Variants in NALF1 observed in about 807,000 individuals in gnomAD.
The protein encoded by NALF1 is family with sequence similarity 155 member A.
Under a neutral mutation model 48.4 loss-of-function variants are expected in NALF1, and 3 were observed. That is an observed-to-expected ratio of 0.06 (90% CI 0.03 to 0.16). The LOEUF (loss-of-function observed/expected upper bound fraction) is 0.16. NALF1 is among the 10% of genes least tolerant of loss of function. The probability of loss-of-function intolerance (pLI) is 1.00; values close to 1 mark genes in which losing one functional copy is unlikely to be tolerated. For missense variants in NALF1, 526 were observed against 571.5 expected (o/e 0.92, Z 0.81); for synonymous variants, 262 against 245.7 (o/e 1.07, Z -0.62).
chr13:107,709,400 G>A (rs1875501877), intron 1 of NALF1, among the ~76,000 whole-genome samples: 1 of 152,216 alleles, frequency 6.6e-6, no homozygotes, highest in African/African-American at 2.4e-5. Context: ...GGTGTGCTCT[G>A]CAGTGAGAAC....
At position 107,236,671 on chromosome 13, in the gene NALF1, GTCTATCTATCTATCTATCTA is replaced by G. The variant is rs72391192; in HGVS notation, c.916-25936_916-25917del. ...GCACTATCTATCTATCCATCTGTCT[GTCTATCTATCTATCTATCTA>G]TCTATCTATCTATCTATCTATCTAT... On this transcript the variant is annotated intron_variant, in intron 1 of 2. Coordinates refer to ENST00000375915, the MANE Select transcript of NALF1 (RefSeq NM_001080396.3). 9.2e-3 allele frequency among the ~76,000 whole-genome samples: 1,296 copies of G among 140,706 alleles called. 4 individuals are homozygous for G. Among genetic ancestry groups the G allele is most frequent in the African/African-American group, 0.017 (624 of 37,412 alleles). 92.3% of individuals were successfully genotyped at this position (140,706 alleles called of 152,430 possible). A position where few individuals can be genotyped will look rare whatever the true frequency, so the allele number is the denominator to read the frequency against.
intron 1 of NALF1, among the ~76,000 whole-genome samples, chr13:107,597,232 A>G (rs1878779224): frequency 6.6e-6 from 1 of 152,178 alleles, no homozygotes; most frequent in Admixed American, 6.5e-5. Context: ...CAGCAGGTGT[A>G]TTACCTTAAT....
chr13:107,684,117 C>T (rs1881371991), intron 1 of NALF1, among the ~76,000 whole-genome samples: 1 of 152,210 alleles, frequency 6.6e-6, no homozygotes, highest in Non-Finnish European at 1.5e-5. Context: ...CACCAGCCAT[C>T]TGTGGCTCCC....
chr13:107,631,406 A>G (rs1879831370), intron 1 of NALF1, among the ~76,000 whole-genome samples: 2 of 152,188 alleles, frequency 1.3e-5, no homozygotes, highest in South Asian at 4.1e-4. Flanking sequence ...AATGAGTCAT[A>G]TATTTTAAAT....
At chr13:107,514,480 A>T (rs531030497) in intron 1 of NALF1, among the ~76,000 whole-genome samples, 1 of 150,344 alleles carries the variant, frequency 6.7e-6, no homozygotes, top group African/African-American at 2.4e-5. Context: ...CTATAAATCA[A>T]TTTTTTTTGG....
intron 1 of NALF1, among the ~76,000 whole-genome samples, chr13:107,611,453 G>A (rs1218973670): frequency 2.0e-5 from 3 of 151,676 alleles, no homozygotes; most frequent in African/African-American, 4.8e-5. Flanking sequence ...ATGGATGAAC[G>A]GGTAAAGCAA....
At chr13:107,473,253 G>A (rs1404977498) in intron 1 of NALF1, among the ~76,000 whole-genome samples, 1 of 152,016 alleles carries the variant, frequency 6.6e-6, no homozygotes, top group African/African-American at 2.4e-5. Context: ...GTCCTGGAAA[G>A]TAACAACCAT....
chr13:107,631,196 CT>C (rs1879824953), intron 1 of NALF1, among the ~76,000 whole-genome samples: 1 of 152,032 alleles, frequency 6.6e-6, no homozygotes, highest in South Asian at 2.1e-4. Flanking sequence ...AGAGGTCCCA[CT>C]TTGTTGCCCA....
intron 1 of NALF1, among the ~76,000 whole-genome samples, chr13:107,242,274 C>T (rs1880486676): frequency 6.6e-6 from 1 of 152,202 alleles, no homozygotes; most frequent in Non-Finnish European, 1.5e-5. Flanking sequence ...CTCCTGCAAG[C>T]AGCCGAGTGT....
intron 1 of NALF1, among the ~76,000 whole-genome samples, chr13:107,304,618 A>G (rs763650855): frequency 3.9e-5 from 6 of 152,208 alleles, no homozygotes; most frequent in Non-Finnish European, 8.8e-5. Context: ...TTCCTAGTCT[A>G]CCGCTTCTTA....
At chr13:107,359,179 C>T (rs1883017895) in intron 1 of NALF1, among the ~76,000 whole-genome samples, 1 of 152,010 alleles carries the variant, frequency 6.6e-6, no homozygotes, top group Non-Finnish European at 1.5e-5. Flanking sequence ...CATTCTCATC[C>T]TTTTTTCTCA....
chr13:107,667,969 C>A lies in NALF1; in HGVS notation c.915+197713G>T, dbSNP rs9555398. Reference sequence around the variant, plus strand: ...TTTATCTCTACATATATCTGCATACCCAATTTAATTAACATATTTACAATG... The same window carrying A: ...TTTATCTCTACATATATCTGCATACACAATTTAATTAACATATTTACAATG... On this transcript the variant is annotated intron_variant, in intron 1 of 2. Transcript: ENST00000375915. 0.018 allele frequency among the ~76,000 whole-genome samples: 2,763 copies of A among 151,912 alleles called. 147 individuals are homozygous for A. In the East Asian group the frequency reaches 0.2, roughly 11 times the overall value.
chr13:107,419,337 T>C (rs1324854830), intron 1 of NALF1, among the ~76,000 whole-genome samples: 2 of 152,236 alleles, frequency 1.3e-5, no homozygotes, highest in Non-Finnish European at 2.9e-5. Flanking sequence ...GGGTGTACCA[T>C]ATGTGCCTGT....
chr13:107,604,205 C>G (rs766047878), intron 1 of NALF1, among the ~76,000 whole-genome samples: 2 of 152,086 alleles, frequency 1.3e-5, no homozygotes, highest in Non-Finnish European at 2.9e-5. Context: ...GCATTCTTGC[C>G]AATAATCGTT....
chr13:107,362,833 T>C lies in NALF1; in HGVS notation c.916-152078A>G, dbSNP rs529945484. ...ACACATATGGAGCAACCAGGATGAA[T>C]GTGAGCTTTTGGCAGGTCTAAAGTA... On this transcript the variant is annotated intron_variant, in intron 1 of 2. Coordinates refer to ENST00000375915, the MANE Select transcript of NALF1 (RefSeq NM_001080396.3). This position sits in a 1 kb window ranked among gnomAD's most constrained non-coding sequence, Gnocchi z 4.6. 3.3e-5 allele frequency among the ~76,000 whole-genome samples: 5 copies of C among 152,302 alleles called. No homozygotes were observed. In the East Asian group the frequency reaches 7.7e-4, roughly 24 times the overall value.
chr13:107,755,088 A>G (rs1332915008), intron 1 of NALF1, among the ~76,000 whole-genome samples: 6 of 152,244 alleles, frequency 3.9e-5, no homozygotes, highest in African/African-American at 1.4e-4. Flanking sequence ...CTGCAAAGGC[A>G]TAAGGAGTTA....
At chr13:107,858,234 G>C (rs1465512276) in intron 1 of NALF1, among the ~76,000 whole-genome samples, 1 of 152,136 alleles carries the variant, frequency 6.6e-6, no homozygotes, top group African/African-American at 2.4e-5. Flanking sequence ...AAACTAAATA[G>C]AAGTAGTAAA....
chr13:107,176,145 A>T (rs1878921907), intron 2 of NALF1, among the ~76,000 whole-genome samples: 1 of 152,166 alleles, frequency 6.6e-6, no homozygotes, highest in Non-Finnish European at 1.5e-5. Context: ...CTCAAACAAG[A>T]ACCTCCTTGC....
In NALF1 at chr13:107,556,320, T is replaced by C. The variant is rs866349310; in HGVS notation, c.915+309362A>G. On this transcript the variant is annotated intron_variant, in intron 1 of 2. Transcript: ENST00000375915. ...ATACACACACACACACACACACACA[T>C]ATATATATATACACACACATATATA... Among the ~76,000 whole-genome samples the C allele has an allele frequency of 4.6e-3, 675 of 145,162 alleles. 8 individuals are homozygous for C. The highest frequency in any genetic ancestry group is 0.015 in the African/African-American group (569 of 38,482).
Sources: allele counts gnomAD v4.1 joint callset (sites outside exome capture counted in the v4.1 genomes callset), GRCh38; gene constraint gnomAD v4.1.1; non-coding constraint Gnocchi (gnomAD v3.1); transcripts MANE v1.5; gene names NCBI Gene and HGNC (gene_info 2026-07-23, HGNC 2026-07-21).